The following GRTP1 variants were observed in gnomAD, a reference collection of about 807,000 sequenced individuals.
The protein encoded by GRTP1 is growth hormone-regulated TBC protein 1.
Under a neutral mutation model 38.1 loss-of-function variants are expected in GRTP1, and 56 were observed. The ratio of observed to expected loss-of-function variants is 1.47; its 90% CI spans 1.19 to 1.84. GRTP1 has a LOEUF of 1.84. GRTP1 is among the 40% of genes most tolerant of loss of function. The pLI is 0.00. For missense variants in GRTP1, 506 were observed against 453.9 expected, an observed-to-expected ratio of 1.11 and a Z score of -1.04; for synonymous variants, 217 against 189.5, an observed-to-expected ratio of 1.14 and a Z score of -1.19.
At chr13:113,337,452 TGC>T (rs2042968855) in intron 5 of GRTP1, among the ~76,000 whole-genome samples, 1 of 152,230 alleles carries the variant, frequency 6.6e-6, no homozygotes, top group African/African-American at 2.4e-5. Flanking sequence ...AAACTTTATC[TGC>T]TATAACTAGG....
chr13:113,346,145 CGG>C (rs2043115068), intron 4 of GRTP1, among the ~76,000 whole-genome samples: 1 of 139,792 alleles, frequency 7.2e-6, no homozygotes, highest in African/African-American at 2.8e-5. Flanking sequence ...AGAGCAGACC[CGG>C]GAGGACCTCT....
rs1356719626 is a variant in GRTP1 at position 113,349,822 on chromosome 13, C to T, written c.465+1027G>A. ...CTCAAACTGCATTTTCTGGTTGGTG[C>T]ACGCCTGGCTCCCGGCTCCTACAGG... On this transcript the variant is annotated intron_variant, in intron 4 of 7. Coordinates refer to ENST00000375431, the MANE Select transcript of GRTP1 (RefSeq NM_024719.4). This position sits in a 1 kb window ranked among gnomAD's most constrained non-coding sequence, Gnocchi z 5.0. Among the ~76,000 whole-genome samples the T allele has an allele frequency of 6.6e-6, 1 of 152,188 alleles. No homozygotes were observed. Among genetic ancestry groups the T allele is most frequent in the African/African-American group, 2.4e-5 (1 of 41,444 alleles).
At chr13:113,356,307 G>A (rs1407386411) in intron 2 of GRTP1, among the ~76,000 whole-genome samples, 2 of 151,280 alleles carry the variant, frequency 1.3e-5, no homozygotes, top group East Asian at 1.9e-4. Flanking sequence ...TTGTTCTGTC[G>A]CCCAGGCTGG....
chr13:113,324,844 T>G (rs2042735613), intron 7 of GRTP1: 1 of 1,080,878 alleles, frequency 9.3e-7, no homozygotes. Context: ...TTTTTTTTTT[T>G]GAGACAGAGT....
intron 5 of GRTP1, among the ~76,000 whole-genome samples, chr13:113,331,710 C>T (rs1382939733): frequency 7.3e-6 from 1 of 136,364 alleles, no homozygotes; most frequent in African/African-American, 2.8e-5. Context: ...GGCTGGAGTG[C>T]AGTGGTATAA....
In GRTP1 at chr13:113,348,318, T is replaced by C. The variant is rs2043204964; in HGVS notation, c.465+2531A>G. On this transcript the variant is annotated intron_variant, in intron 4 of 7. Coordinates refer to ENST00000375431, the MANE Select transcript of GRTP1 (RefSeq NM_024719.4). The surrounding 1 kb of genome is among the most constrained non-coding windows in gnomAD (Gnocchi z 4.8). ...ACATACAAAAATTACTCGAGCGTGG[T>C]GGCGCACCTGTGGTCCCAGCTACTC... Among the ~76,000 whole-genome samples, 2 of 152,062 alleles carry C rather than the reference T, an allele frequency of 1.3e-5. No homozygotes were observed. Among genetic ancestry groups the C allele is most frequent in the African/African-American group, 4.8e-5 (2 of 41,412 alleles).
rs781074532 is a variant in GRTP1 at position 113,324,708 on chromosome 13, G to T, written c.922-131C>A. On this transcript the variant is annotated intron_variant, in intron 7 of 7. Transcript: ENST00000375431. ...GAGCAGTCCACATCCAAGGGCTTCT[G>T]GGGTGACCCACAGATTGTCACCATC... 1.2e-5 allele frequency: 17 copies of T among 1,442,590 alleles called. No homozygotes were observed. In the South Asian group the frequency reaches 2.5e-4, roughly 21 times the overall value. 89.4% of individuals were successfully genotyped at this position (1,442,590 alleles called of 1,614,324 possible).
At chr13:113,357,679 T>A (rs1566442968) in intron 2 of GRTP1, among the ~76,000 whole-genome samples, 1 of 152,170 alleles carries the variant, frequency 6.6e-6, no homozygotes, top group Non-Finnish European at 1.5e-5. Flanking sequence ...AGGTTTGCTG[T>A]AGGTCTCATG....
At chr13:113,360,206 C>T (rs1305226549) in intron 2 of GRTP1, 1 of 152,170 alleles carries the variant, frequency 6.6e-6, no homozygotes, top group Admixed American at 6.5e-5. Flanking sequence ...AGGAATCCAA[C>T]AGGACTAAGT....
intron 7 of GRTP1, 29 bp downstream of exon 7, chr13:113,325,632 G>A (rs1193468705): frequency 2.3e-5 from 37 of 1,611,814 alleles, no homozygotes; most frequent in Non-Finnish European, 3.1e-5. Flanking sequence ...CCCCTGGGAG[G>A]GGACTGAGCC....
In GRTP1 at chr13:113,358,499, G is replaced by A. The variant is rs373371248; in HGVS notation, c.182-3018C>T. ...TGATTCTAAACTTTATATGCAAAGC[G>A]AAAAGAACCAAAACAATTTTGAAAA... is the stretch of plus-strand genomic sequence containing the variant. On this transcript the variant is annotated intron_variant, in intron 2 of 7. Transcript: ENST00000375431. 2.0e-5 allele frequency among the ~76,000 whole-genome samples: 3 copies of A among 152,004 alleles called. No individual in the cohort carries two copies. The South Asian group carries it at 6.2e-4, about 31-fold the overall frequency.
At position 113,349,198 on chromosome 13, in the gene GRTP1, G is replaced by A. The variant is rs536990668; in HGVS notation, c.465+1651C>T. On this transcript the variant is annotated intron_variant, in intron 4 of 7. Transcript: ENST00000375431. This position sits in a 1 kb window ranked among gnomAD's most constrained non-coding sequence, Gnocchi z 5.0. Reference sequence around the variant, plus strand: ...TGGTGTTTTTTTTTGTTTGTTTCTCGGTTTTTTTCAGACAGGGTCTTGCTC... The same window carrying A: ...TGGTGTTTTTTTTTGTTTGTTTCTCAGTTTTTTTCAGACAGGGTCTTGCTC... 9.9e-5 allele frequency among the ~76,000 whole-genome samples: 15 copies of A among 150,832 alleles called. No homozygotes were observed. Among genetic ancestry groups the A allele is most frequent in the Admixed American group, 2.6e-4 (4 of 15,126 alleles).
rs1193412846 is a variant in GRTP1, at chr13:113,346,674, G to A, written c.466-1715C>T. Among the ~76,000 whole-genome samples the A allele has an allele frequency of 0.42, 133 of 316 alleles. 65 individuals carry two copies. The highest frequency in any genetic ancestry group is 0.61 in the African/African-American group (125 of 204). The allele number at this position is 316 out of a possible 152,430, so 0.2% of individuals were successfully genotyped here. On this transcript the variant is annotated intron_variant, in intron 4 of 7. Transcript: ENST00000375431. ...CCTGGGAGGACCTCTGTGGCTGAGC[G>A]GATCTGGGAGGACCTCTGTGGCAGA... is the stretch of plus-strand genomic sequence containing the variant.
rs2043251583 is a variant in GRTP1, at chr13:113,350,843, G to C, written c.465+6C>G. The C allele has an allele frequency of 2.6e-6, 4 of 1,562,886 alleles. No individual in the cohort carries two copies. In the East Asian group the frequency reaches 9.2e-5, roughly 36 times the overall value. On this transcript the variant is annotated splice_donor_region_variant and intron_variant, in intron 4 of 7. Transcript: ENST00000375431. The stretch of plus-strand genomic sequence containing the variant: ...CCTCATGGCGTCAGAGGGTCCCGAG[G>C]CTCACCTGGCAGTAGCCCACTCCCT...
At chr13:113,333,838 A>ATTTATTTATTTATTTAGTGT (rs749095615) in intron 5 of GRTP1, among the ~76,000 whole-genome samples, 1 of 23,546 alleles carries the variant, frequency 4.2e-5, no homozygotes, top group African/African-American at 6.8e-5. Flanking sequence ...TTATTTATTT[A>ATTTATTTATTTATTTAGTGT]GTGTGTGTGT....
intron 7 of GRTP1, chr13:113,324,795 A>C: frequency 2.2e-5 from 28 of 1,256,792 alleles, no homozygotes; most frequent in Admixed American, 4.2e-5. Flanking sequence ...AATGAATCAA[A>C]CGGTGGAAGA....
chr13:113,327,198 A>G (rs2042787296), intron 5 of GRTP1, among the ~76,000 whole-genome samples: 1 of 151,832 alleles, frequency 6.6e-6, no homozygotes, highest in African/African-American at 2.4e-5. Flanking sequence ...TTTTTTTGAG[A>G]CGGAGTCTCG....
intron 4 of GRTP1, among the ~76,000 whole-genome samples, chr13:113,346,221 G>GACAAGAGCAGACCCGGGAGGAC (rs2043123353): frequency 1.6e-5 from 2 of 124,248 alleles, no homozygotes; most frequent in Non-Finnish European, 3.4e-5. Context: ...GACCTCTGTG[G>GACAAGAGCAGACCCGGGAGGAC]CTGAGAACAG....
At chr13:113,345,078 C>A in intron 4 of GRTP1, 119 bp from the exon 5 acceptor site, 1 of 1,110,638 alleles carries the variant, frequency 9.0e-7, no homozygotes, top group Non-Finnish European at 1.2e-6. Flanking sequence ...TTAAAACCTG[C>A]ATAATTGCAG....
Sources: allele counts gnomAD v4.1 joint callset (sites outside exome capture counted in the v4.1 genomes callset), GRCh38; gene constraint gnomAD v4.1.1; non-coding constraint Gnocchi (gnomAD v3.1); transcripts MANE v1.5; gene names NCBI Gene and HGNC (gene_info 2026-07-23, HGNC 2026-07-21).